Variants in FANCD2 observed in about 807,000 individuals in gnomAD.
FANCD2 encodes the protein Fanconi anemia group D2 protein.
Under a neutral mutation model 192.3 loss-of-function variants are expected in FANCD2, and 131 were observed. The observed-to-expected ratio is 0.68, with a 90% CI of 0.59 to 0.79. The LOEUF is 0.79. Ranked by LOEUF, FANCD2 falls within the 30% of genes least tolerant of loss-of-function variation. The pLI is 0.00. For missense variants in FANCD2, 1,508 were observed against 1,701.6 expected (o/e 0.89, Z 2.00); for synonymous variants, 524 against 612.5 (o/e 0.86, Z 2.13).
At chr3:10,070,082 T>C (rs1409438310) in intron 26 of FANCD2, among the ~76,000 whole-genome samples, 3 of 142,574 alleles carry the variant, frequency 2.1e-5, no homozygotes, top group Non-Finnish European at 3.0e-5. Context: ...CCGCCCCGTC[T>C]GGGATGTGAG....
intron 42 of FANCD2, among the ~76,000 whole-genome samples, chr3:10,096,703 C>T (rs529754470): frequency 6.6e-6 from 1 of 152,190 alleles, no homozygotes; most frequent in Non-Finnish European, 1.5e-5. Flanking sequence ...TTGATATAAA[C>T]AATGCCTCAG....
At chr3:10,062,110 A>G (rs2087586227) in intron 19 of FANCD2, 41 bp from the exon 20 acceptor site, 1 of 1,467,508 alleles carries the variant, frequency 6.8e-7, no homozygotes, top group Non-Finnish European at 9.4e-7. Context: ...CCTAAAACTT[A>G]AAGTATAATA....
In FANCD2 at chr3:10,081,338, AT is replaced by A; in HGVS notation, c.3106-3del. ...AAGCAACTGTCCTAAAATCATTTTT[AT>A]TTTTAGTGTTTAGCTGCTGAGAATC... On this transcript the variant is annotated splice_polypyrimidine_tract_variant and splice_region_variant and intron_variant, in intron 31 of 43. Transcript: ENST00000675286. 1 of 1,613,146 alleles carries A rather than the reference AT, an allele frequency of 6.2e-7. No individual in the cohort carries two copies. The highest frequency in any genetic ancestry group is 8.5e-7 in the Non-Finnish European group (1 of 1,179,098).
At chr3:10,075,392 A>C (rs1323072889) in intron 29 of FANCD2, among the ~76,000 whole-genome samples, 1 of 152,124 alleles carries the variant, frequency 6.6e-6, no homozygotes, top group African/African-American at 2.4e-5. Context: ...TCACCATGTT[A>C]GCCAGGATGG....
In FANCD2 at chr3:10,042,571, G is replaced by C. The variant is rs530125285; in HGVS notation, c.796G>C (p.Val266Leu). Residue 266 changes from valine (V) to leucine (L), a missense_variant, in exon 11 of 44, where the codon GTG (valine) becomes CTG (leucine). Physicochemically the swap from Val to Leu is conservative, Grantham distance 32 (BLOSUM62 1). Around this residue, in one of 5 missense-constraint regions of FANCD2, gnomAD observed 435 missense variants for 421.9 expected, o/e 1.03. Transcript: ENST00000675286. ...PNFLLKVRQL[V>L]MDKLSSIRLE... Reference sequence around the variant, plus strand: ...TTTTAATTTTTAGGTTCGCCAGTTGGTGATGGATAAGTTGTCGTCTATTAG... The same window carrying C: ...TTTTAATTTTTAGGTTCGCCAGTTGCTGATGGATAAGTTGTCGTCTATTAG... The C allele has an allele frequency of 1.2e-6, 2 of 1,613,780 alleles. No homozygotes were observed. Among genetic ancestry groups the C allele is most frequent in the Non-Finnish European group, 1.7e-6 (2 of 1,179,832 alleles).
intron 32 of FANCD2, among the ~76,000 whole-genome samples, chr3:10,084,580 G>T (rs747697451): frequency 1.3e-5 from 2 of 152,172 alleles, no homozygotes; most frequent in Non-Finnish European, 2.9e-5. Context: ...CATTAGAGGC[G>T]TGAGCCACCA....
intron 1 of FANCD2, among the ~76,000 whole-genome samples, chr3:10,028,063 A>G (rs912233182): frequency 6.6e-6 from 1 of 152,004 alleles, no homozygotes; most frequent in Non-Finnish European, 1.5e-5. Flanking sequence ...AAAAAAAAAA[A>G]AAAAAATTCA....
intron 29 of FANCD2, among the ~76,000 whole-genome samples, 179 bp downstream of exon 29, chr3:10,074,852 G>A (rs1324830358): frequency 6.6e-6 from 1 of 152,100 alleles, no homozygotes; most frequent in East Asian, 1.9e-4. Flanking sequence ...TAAGTCATAA[G>A]GTTTGTAATA....
At chr3:10,072,293 T>TG (rs1278802994) in intron 26 of FANCD2, among the ~76,000 whole-genome samples, 8 of 151,848 alleles carry the variant, frequency 5.3e-5, no homozygotes, top group African/African-American at 1.7e-4. Context: ...TTTTTTTTTT[T>TG]TTTGAGACAG....
At chr3:10,092,346 A>T in intron 38 of FANCD2, 94 bp downstream of exon 38, 1 of 946,626 alleles carries the variant, frequency 1.1e-6, no homozygotes, top group East Asian at 2.4e-5. Flanking sequence ...TCCTCTTCCC[A>T]CTCTTCCTTG....
chr3:10,064,143 A>G (rs1340864094), intron 21 of FANCD2, among the ~76,000 whole-genome samples: 3 of 152,288 alleles, frequency 2.0e-5, no homozygotes, highest in Non-Finnish European at 2.9e-5. Context: ...GATGATGGCT[A>G]TTATCTGTCT....
Position 10,034,467 on chromosome 3 carries a change from A to T in FANCD2, c.206-2A>T, listed in dbSNP as rs771573600. 1.9e-6 allele frequency: 3 copies of T among 1,610,820 alleles called. No homozygotes were observed. The highest frequency in any genetic ancestry group is 2.5e-6 in the Non-Finnish European group (3 of 1,177,136). On this transcript the variant is annotated splice_acceptor_variant, in intron 3 of 43. Coordinates refer to ENST00000675286, the MANE Select transcript of FANCD2 (RefSeq NM_001018115.3). LOFTEE classifies it high-confidence loss of function. ...TGACCAGCTCTTCTTTTTTCTGCAT[A>T]GCTGTGGATCAAATAGCTTTCCAAA...
intron 26 of FANCD2, among the ~76,000 whole-genome samples, chr3:10,070,738 GTAGA>G (rs1313418917): frequency 6.9e-6 from 1 of 145,032 alleles, no homozygotes; most frequent in Non-Finnish European, 1.5e-5. Flanking sequence ...CCGTGTCTGT[GTAGA>G]AAGAAGTAGA....
chr3:10,071,000 G>T (rs1270492330), intron 26 of FANCD2, among the ~76,000 whole-genome samples: 1 of 147,902 alleles, frequency 6.8e-6, no homozygotes, highest in East Asian at 2.0e-4. Context: ...GCGGAAGGCC[G>T]CAGGGTCCTC....
At chr3:10,038,626 G>C (rs548092979) in intron 7 of FANCD2, among the ~76,000 whole-genome samples, 3 of 147,538 alleles carry the variant, frequency 2.0e-5, no homozygotes, top group South Asian at 2.1e-4. Context: ...TGTCACCCAG[G>C]CTGGAGTGCA....
chr3:10,049,699 G>GT (rs2087140597), intron 17 of FANCD2, among the ~76,000 whole-genome samples, 194 bp downstream of exon 17: 1 of 152,190 alleles, frequency 6.6e-6, no homozygotes, highest in Non-Finnish European at 1.5e-5. Context: ...TGAATGTAAA[G>GT]TAGGCCCTTA....
chr3:10,090,224 T>C, intron 36 of FANCD2, 68 bp from the exon 37 acceptor site: 1 of 1,203,680 alleles, frequency 8.3e-7, no homozygotes, highest in Non-Finnish European at 1.2e-6. Flanking sequence ...TTTTGGTTCC[T>C]GGTTCTTCCC....
chr3:10,069,795 G>A (rs1434528791), intron 26 of FANCD2, among the ~76,000 whole-genome samples: 5 of 152,042 alleles, frequency 3.3e-5, no homozygotes, highest in Admixed American at 6.6e-5. Context: ...GTGCAGTAGC[G>A]TGATCTCGGC....
At position 10,079,452 on chromosome 3, in the gene FANCD2, C is replaced by T. The variant is rs186757611; in HGVS notation, c.2976+1255C>T. 5.8e-4 allele frequency among the ~76,000 whole-genome samples: 88 copies of T among 151,992 alleles called. 3 individuals carry two copies. In the East Asian group the frequency reaches 0.015, roughly 27 times the overall value. Reference sequence around the variant, plus strand: ...CCTGAGTAGCTGGGGACTACAGGCGCGCGCCACCACACCCAGCTAATTTTT... The same window carrying T: ...CCTGAGTAGCTGGGGACTACAGGCGTGCGCCACCACACCCAGCTAATTTTT... On this transcript the variant is annotated intron_variant, in intron 30 of 43. Coordinates refer to ENST00000675286, the MANE Select transcript of FANCD2 (RefSeq NM_001018115.3).
Sources: gnomAD v4.1 joint callset for allele counts (sites outside exome capture counted in the v4.1 genomes callset) on GRCh38, gnomAD v4.1.1 for gene constraint, gnomAD v4.1.1 regional missense constraint, MANE v1.5 for transcripts, NCBI Gene and HGNC (gene_info 2026-07-23, HGNC 2026-07-21) for gene names.